Variants in MEGF10 observed in about 807,000 individuals in gnomAD.
The protein encoded by MEGF10 is multiple epidermal growth factor-like domains protein 10.
MEGF10 carries 86 observed loss-of-function variants against 147.5 expected under a neutral mutation model. The observed-to-expected ratio is 0.58, with a 90% CI of 0.49 to 0.70. The LOEUF (loss-of-function observed/expected upper bound fraction) is 0.70, where lower values mean the gene tolerates loss of function less well. MEGF10 is among the 30% of genes least tolerant of loss of function. The pLI, the probability that MEGF10 is intolerant of heterozygous loss-of-function variation, is 0.00. For synonymous variants in MEGF10, 478 were observed against 525.5 expected, an observed-to-expected ratio of 0.91 and a Z score of 1.24; for missense variants, 1,329 against 1,487.3, an observed-to-expected ratio of 0.89 and a Z score of 1.75.
chr5:127,369,860 T>C, intron 4 of MEGF10, 50 bp from the exon 5 acceptor site: 1 of 1,508,676 alleles, frequency 6.6e-7, no homozygotes, highest in East Asian at 2.3e-5. Flanking sequence ...GTTGTTGGCT[T>C]TTTTTTCTTG....
chr5:127,261,240 C>A, the MEGF10 span, among the ~76,000 whole-genome samples: 1 of 152,174 alleles, frequency 6.6e-6, no homozygotes, highest in South Asian at 2.1e-4. Flanking sequence ...TTAGACATCA[C>A]CCCTCAATCC....
At chr5:127,354,722 G>A (rs534170170) in intron 4 of MEGF10, among the ~76,000 whole-genome samples, 4 of 152,190 alleles carry the variant, frequency 2.6e-5, no homozygotes, top group Non-Finnish European at 4.4e-5. Flanking sequence ...ATTTAAGTGA[G>A]AAGTTATATT....
At chr5:127,445,213 C>T (rs190607625) in intron 19 of MEGF10, 100 of 500,464 alleles carry the variant, frequency 2.0e-4, no homozygotes, top group South Asian at 4.2e-4. Context: ...ACTCCGGGCA[C>T]GCATCACTGT....
the MEGF10 span, among the ~76,000 whole-genome samples, chr5:127,264,870 A>G: frequency 6.6e-6 from 1 of 152,120 alleles, no homozygotes; most frequent in Non-Finnish European, 1.5e-5. Flanking sequence ...TTACATAGGT[A>G]AACGTGTGCC....
intron 1 of MEGF10, among the ~76,000 whole-genome samples, chr5:127,315,773 T>TA (rs1354018929): frequency 7.9e-5 from 12 of 152,170 alleles, no homozygotes; most frequent in Middle Eastern, 3.4e-3. Context: ...GACCCTGTCT[T>TA]AAAAAAACAA....
intron 1 of MEGF10, among the ~76,000 whole-genome samples, chr5:127,310,728 T>C (rs1760254649): frequency 6.6e-6 from 1 of 151,604 alleles, no homozygotes; most frequent in African/African-American, 2.4e-5. Flanking sequence ...AAAGAGGGAG[T>C]GAGGGAAAGG....
chr5:127,306,871 C>T (rs2546083), intron 1 of MEGF10, among the ~76,000 whole-genome samples: 100,398 of 152,034 alleles, frequency 0.66, 33,522 homozygotes, highest in Middle Eastern at 0.8. Context: ...TGGAATCAGC[C>T]GAGTTTGAGA....
the MEGF10 span, among the ~76,000 whole-genome samples, chr5:127,268,089 A>T: frequency 2.0e-5 from 3 of 152,188 alleles, no homozygotes; most frequent in African/African-American, 4.8e-5. Flanking sequence ...ACACTACTTT[A>T]AATGTGTCCC....
chr5:127,297,028 G>T (rs1026767856), intron 1 of MEGF10, among the ~76,000 whole-genome samples: 1 of 152,048 alleles, frequency 6.6e-6, no homozygotes, highest in Non-Finnish European at 1.5e-5. Context: ...GTGCAATGGC[G>T]CAATCTCAAC....
At chr5:127,375,180 A>G (rs1423596392) in intron 5 of MEGF10, among the ~76,000 whole-genome samples, 1 of 152,176 alleles carries the variant, frequency 6.6e-6, no homozygotes, top group East Asian at 1.9e-4. Flanking sequence ...GGAGTCTAAA[A>G]TGGTCAGATG....
chr5:127,331,145 T>C, intron 1 of MEGF10, 146 bp from the exon 2 acceptor site: 2 of 558,566 alleles, frequency 3.6e-6, no homozygotes, highest in Non-Finnish European at 6.4e-6. Flanking sequence ...GACCATGGAA[T>C]TTGGTGACCT....
the MEGF10 span, among the ~76,000 whole-genome samples, chr5:127,270,304 C>T: frequency 0.55 from 82,871 of 151,182 alleles, 23,031 homozygotes; most frequent in Middle Eastern, 0.71. Context: ...GATAAAGAGT[C>T]AAGACCCATC....
the MEGF10 span, among the ~76,000 whole-genome samples, chr5:127,234,045 A>T: frequency 4.5e-4 from 68 of 152,268 alleles, no homozygotes; most frequent in African/African-American, 1.5e-3. Flanking sequence ...AAAATTAGGG[A>T]TCCAATTATT....
At chr5:127,309,994 T>TTTCTTTCTTTCTTTCCTTCCTTCC (rs781685715) in intron 1 of MEGF10, among the ~76,000 whole-genome samples, 7 of 56,864 alleles carry the variant, frequency 1.2e-4, no homozygotes, top group African/African-American at 3.4e-4. Context: ...TCTTTCTTTC[T>TTTCTTTCTTTCTTTCCTTCCTTCC]TTCCTTCCTT....
chr5:127,419,935 G>A, intron 11 of MEGF10, 109 bp from the exon 12 acceptor site: 1 of 1,273,322 alleles, frequency 7.9e-7, no homozygotes, highest in Non-Finnish European at 1.1e-6. Flanking sequence ...GCTGTGGCTG[G>A]GGCTTGCATC....
chr5:127,367,573 A>C (rs1762702447), intron 4 of MEGF10, among the ~76,000 whole-genome samples: 3 of 152,314 alleles, frequency 2.0e-5, no homozygotes, highest in African/African-American at 7.2e-5. Context: ...AAATTCAAGA[A>C]TATGGAGAAT....
chr5:127,268,228 T>C, the MEGF10 span, among the ~76,000 whole-genome samples: 1 of 152,202 alleles, frequency 6.6e-6, no homozygotes, highest in Non-Finnish European at 1.5e-5. Flanking sequence ...TTGAGCAGTT[T>C]TGAGTGAGTT....
At chr5:127,234,405 T>G in the MEGF10 span, among the ~76,000 whole-genome samples, 1 of 152,100 alleles carries the variant, frequency 6.6e-6, no homozygotes, top group Non-Finnish European at 1.5e-5. Context: ...AAAATTCAGG[T>G]TGGTTTGTAA....
At chr5:127,396,507 C>T in intron 5 of MEGF10, 25 bp from the exon 6 acceptor site, 1 of 1,509,514 alleles carries the variant, frequency 6.6e-7, no homozygotes, top group Admixed American at 2.2e-5. Flanking sequence ...CCACTGATAT[C>T]CACTGTTTCT....
Sources: allele counts gnomAD v4.1 joint callset (sites outside exome capture counted in the v4.1 genomes callset), GRCh38; gene constraint gnomAD v4.1.1; transcripts MANE v1.5; gene names NCBI Gene and HGNC (gene_info 2026-07-23, HGNC 2026-07-21).